Variants in EIF4G3 observed in about 807,000 individuals in gnomAD.
EIF4G3 encodes eIF-4-gamma 3.
Under a neutral mutation model 186.4 loss-of-function variants are expected in EIF4G3, and 34 were observed. The ratio of observed to expected loss-of-function variants is 0.18; its 90% CI spans 0.14 to 0.24. The LOEUF (loss-of-function observed/expected upper bound fraction) is 0.24, where lower values mean the gene tolerates loss of function less well. Ranked by LOEUF, EIF4G3 falls within the 10% of genes least tolerant of loss-of-function variation. The pLI is 1.00. For missense variants in EIF4G3, 1,536 were observed against 1,948.5 expected (o/e 0.79, Z 3.99); for synonymous variants, 673 against 679.5 (o/e 0.99, Z 0.15).
intron 3 of EIF4G3, among the ~76,000 whole-genome samples, chr1:21,080,428 A>C: frequency 6.6e-6 from 1 of 151,942 alleles, no homozygotes; most frequent in East Asian, 1.9e-4. Context: ...GCAAGAGCGG[A>C]GGACCCCGTC....
rs535524121 is a variant in EIF4G3 at position 21,013,295 on chromosome 1, T to A, written c.-66-10487A>T. The stretch of plus-strand genomic sequence containing the variant: ...ACTCAAAACAATATAGGAAATTTTT[T>A]AAAATATTAAAATAAAGAACAATAA... On this transcript the variant is annotated intron_variant, in intron 4 of 36. Coordinates refer to ENST00000602326, the MANE Select transcript of EIF4G3 (RefSeq NM_001391906.1). 4.6e-5 allele frequency among the ~76,000 whole-genome samples: 7 copies of A among 152,254 alleles called. No individual in the cohort carries two copies. The South Asian group carries it at 8.3e-4, about 18-fold the overall frequency.
intron 20 of EIF4G3, among the ~76,000 whole-genome samples, chr1:20,871,912 C>A (rs2079304806): frequency 6.6e-6 from 1 of 152,032 alleles, no homozygotes; most frequent in Non-Finnish European, 1.5e-5. Context: ...CAACCTCCAC[C>A]TCCTGGGTTC....
intron 14 of EIF4G3, among the ~76,000 whole-genome samples, chr1:20,938,372 G>T (rs2095588173): frequency 6.6e-6 from 1 of 152,144 alleles, no homozygotes; most frequent in Non-Finnish European, 1.5e-5. Context: ...AGAACTAAAA[G>T]ATACCATATC....
intron 2 of EIF4G3, among the ~76,000 whole-genome samples, chr1:21,101,217 C>A (rs1006871679): frequency 2.6e-5 from 4 of 152,002 alleles, no homozygotes; most frequent in African/African-American, 9.7e-5. Flanking sequence ...GGATTACAGG[C>A]ATGAGCCACC....
At chr1:21,133,396 T>G (rs184128902) in intron 2 of EIF4G3, among the ~76,000 whole-genome samples, 5 of 152,206 alleles carry the variant, frequency 3.3e-5, no homozygotes, top group Non-Finnish European at 5.9e-5. Context: ...GGCTAATTTT[T>G]GTATTTTTTT....
intron 30 of EIF4G3, among the ~76,000 whole-genome samples, chr1:20,837,750 A>AGAAGGGATT (rs2067188011): frequency 6.6e-6 from 1 of 152,186 alleles, no homozygotes; most frequent in African/African-American, 2.4e-5. Flanking sequence ...TGAACCATTT[A>AGAAGGGATT]TAACTCAGGC....
rs80059593 is a variant in EIF4G3 at position 21,013,102 on chromosome 1, A to G, written c.-66-10294T>C. On this transcript the variant is annotated intron_variant, in intron 4 of 36. Transcript: ENST00000602326. ...GAGTCCAGGGAAGCTATCCCTGACT[A>G]TATCTCAGAGGGGCCCTCAGGGAAG... is the stretch of plus-strand genomic sequence containing the variant. Among the ~76,000 whole-genome samples, 610 of 149,732 alleles carry G rather than the reference A, an allele frequency of 4.1e-3. 7 individuals carry two copies. Among genetic ancestry groups the G allele is most frequent in the African/African-American group, 0.014 (571 of 41,308 alleles).
At position 20,941,550 on chromosome 1, in the gene EIF4G3, C is replaced by A; in HGVS notation, c.1604G>T (p.Gly535Val). The change falls in exon 14 of 37, where the codon GGG becomes GTG. Residue 535 changes from glycine (G) to valine (V), a missense_variant. Physicochemically the swap from Gly to Val is moderately radical, Grantham distance 109. Around this residue, in one of 11 missense-constraint regions of EIF4G3, gnomAD observed 560 missense variants for 547.8 expected, o/e 1.02. Coordinates refer to ENST00000602326, the MANE Select transcript of EIF4G3 (RefSeq NM_001391906.1). ...AGAATCCAAAATCTCTTCTGTTTGC[C>A]CATCTGCTTCTACCTCTATTTTGTT... ...IQNKIEVEAD[G>V]QTEEILDSQN... 1 of 1,613,346 alleles carries A rather than the reference C, an allele frequency of 6.2e-7. No homozygotes were observed. The highest frequency in any genetic ancestry group is 8.5e-7 in the Non-Finnish European group (1 of 1,179,786).
At chr1:20,873,765 G>A (rs374560419) in intron 20 of EIF4G3, among the ~76,000 whole-genome samples, 1 of 149,358 alleles carries the variant, frequency 6.7e-6, no homozygotes, top group Non-Finnish European at 1.5e-5. Flanking sequence ...AGGATGTGCA[G>A]GTTTGTTACA....
intron 4 of EIF4G3, among the ~76,000 whole-genome samples, chr1:21,018,030 C>T (rs1322073571): frequency 2.0e-5 from 3 of 151,966 alleles, no homozygotes; most frequent in African/African-American, 4.8e-5. Context: ...CCTTGATCTC[C>T]CAGGCTCAAG....
At chr1:20,987,481 C>A (rs1405162230) in intron 7 of EIF4G3, among the ~76,000 whole-genome samples, 1 of 152,234 alleles carries the variant, frequency 6.6e-6, no homozygotes, top group Admixed American at 6.5e-5. Context: ...ATTTTTCCAA[C>A]AGCATGTGCT....
intron 6 of EIF4G3, among the ~76,000 whole-genome samples, chr1:21,000,994 G>C (rs971353217): frequency 2.0e-5 from 3 of 150,984 alleles, no homozygotes; most frequent in Non-Finnish European, 4.4e-5. Context: ...AATTCTTCCT[G>C]ACTAATTCCC....
intron 4 of EIF4G3, among the ~76,000 whole-genome samples, chr1:21,013,460 A>G (rs1163632968): frequency 6.6e-6 from 1 of 152,148 alleles, no homozygotes; most frequent in Non-Finnish European, 1.5e-5. Flanking sequence ...TCATGACAGA[A>G]GGAAAAGAGT....
chr1:20,992,414 T>C lies in EIF4G3; in HGVS notation c.177+5187A>G, dbSNP rs115583775. 5.2e-3 allele frequency among the ~76,000 whole-genome samples: 787 copies of C among 152,274 alleles called. 7 individuals are homozygous for C. Among genetic ancestry groups the C allele is most frequent in the African/African-American group, 0.018 (756 of 41,562 alleles). ...TAGGGATCATAATGAAAAAGAAATC[T>C]ACATAAATCAGCAGTTCTTTTCAAA... On this transcript the variant is annotated intron_variant, in intron 7 of 36. Transcript: ENST00000602326.
At chr1:20,965,495 T>A (rs1553357205) in intron 12 of EIF4G3, among the ~76,000 whole-genome samples, 1 of 152,204 alleles carries the variant, frequency 6.6e-6, no homozygotes, top group Non-Finnish European at 1.5e-5. Context: ...TCATCCTTTT[T>A]AGAGTCCTTA....
chr1:20,897,206 A>G (rs935486469), intron 16 of EIF4G3, among the ~76,000 whole-genome samples: 1 of 152,232 alleles, frequency 6.6e-6, no homozygotes, highest in Non-Finnish European at 1.5e-5. Flanking sequence ...GTAGTAAAAT[A>G]ATCTAAAGCA....
intron 2 of EIF4G3, among the ~76,000 whole-genome samples, chr1:21,110,504 A>C (rs1239268381): frequency 6.6e-6 from 1 of 152,144 alleles, no homozygotes. Flanking sequence ...CATGTTACCC[A>C]GCCTGATCTT....
chr1:20,928,548 G>A (rs560804610), intron 14 of EIF4G3, among the ~76,000 whole-genome samples: 48 of 151,860 alleles, frequency 3.2e-4, no homozygotes, highest in Admixed American at 6.6e-4. Context: ...GACTATAGGC[G>A]TGCACCACCA....
intron 14 of EIF4G3, among the ~76,000 whole-genome samples, chr1:20,934,722 G>A (rs1246727797): frequency 6.6e-6 from 1 of 152,054 alleles, no homozygotes; most frequent in African/African-American, 2.4e-5. Flanking sequence ...GAGTTTAATA[G>A]ACAAAGTAGG....
Sources: allele counts gnomAD v4.1 joint callset (sites outside exome capture counted in the v4.1 genomes callset), GRCh38; gene constraint gnomAD v4.1.1; regional missense constraint gnomAD v4.1.1; transcripts MANE v1.5; gene names NCBI Gene and HGNC (gene_info 2026-07-23, HGNC 2026-07-21).